The following PPP2R1B variants were observed in gnomAD, a reference collection of about 807,000 sequenced individuals.
The protein encoded by PPP2R1B is serine/threonine-protein phosphatase 2A 65 kDa regulatory subunit A beta isoform.
In PPP2R1B, 58 loss-of-function variants were observed where a neutral mutation model predicts 72.7. That is an observed-to-expected ratio of 0.80 (90% CI 0.65 to 0.99). The LOEUF is 0.99. Ranked by LOEUF, PPP2R1B falls within the 50% of genes least tolerant of loss-of-function variation. The pLI, the probability that PPP2R1B is intolerant of heterozygous loss-of-function variation, is 0.00. For missense variants in PPP2R1B, 695 were observed against 733.6 expected (o/e 0.95, Z 0.61); for synonymous variants, 256 against 264.6 (o/e 0.97, Z 0.32).
At position 111,752,194 on chromosome 11, in the gene PPP2R1B, T is replaced by A. The variant is rs781986857; in HGVS notation, c.1303A>T (p.Ile435Phe). Residue 435 changes from isoleucine (I) to phenylalanine (F), a missense_variant, in exon 10 of 15, where the codon ATC (isoleucine) becomes TTC (phenylalanine). Transcript: ENST00000527614. ...GCCAGCAGCGGCATATACTCAATGA[T>A]GGCCAGGCGGACCCTCCATTTGGCA... Reference protein sequence around the residue: ...EDAKWRVRLAIIEYMPLLAGQ... With the variant: ...EDAKWRVRLAFIEYMPLLAGQ... The A allele has an allele frequency of 1.2e-6, 2 of 1,613,814 alleles. No homozygotes were observed. Among genetic ancestry groups the A allele is most frequent in the South Asian group, 1.1e-5 (1 of 91,026 alleles).
chr11:111,755,337 T>A lies in PPP2R1B; in HGVS notation c.801A>T (p.Lys267Asn). 2 of 1,613,156 alleles carry A rather than the reference T, an allele frequency of 1.2e-6. No individual in the cohort carries two copies. Among genetic ancestry groups the A allele is most frequent in the Non-Finnish European group, 1.7e-6 (2 of 1,179,810 alleles). ...CCACCATATAGCGAACGCGCCAAGATTTATCTTCTGCTGCTTGTCGAAGTG... is the reference window on the plus strand; with the variant it reads ...CCACCATATAGCGAACGCGCCAAGAATTATCTTCTGCTGCTTGTCGAAGTG... ...MPTLRQAAEDKSWRVRYMVAD... is the reference protein window; with the variant it reads ...MPTLRQAAEDNSWRVRYMVAD... Residue 267 changes from lysine (K) to asparagine (N), a missense_variant, in exon 6 of 15, where the codon AAA becomes AAT. By Grantham distance (94) the Lys-to-Asn change is moderately conservative. Coordinates refer to ENST00000527614, the MANE Select transcript of PPP2R1B (RefSeq NM_002716.5).
At chr11:111,723,437 T>C, downstream of PPP2R1B, 1 of 1,514,264 alleles carries the variant, frequency 6.6e-7, no homozygotes, top group African/African-American at 1.4e-5. Context: ...TGCATTTACA[T>C]TAAAATTGCC....
chr11:111,764,838 T>A lies in PPP2R1B; in HGVS notation c.273A>T (p.Leu91=). The A allele has an allele frequency of 6.2e-7, 1 of 1,614,132 alleles. No individual in the cohort carries two copies. The highest frequency in any genetic ancestry group is 1.1e-5 in the South Asian group (1 of 91,088). Residue 91 remains leucine (L), a synonymous_variant, in exon 3 of 15, where the codon CTA becomes CTT. Coordinates refer to ENST00000527614, the MANE Select transcript of PPP2R1B (RefSeq NM_002716.5). ...AGTGGGCAAAGTCAGGACCTCCCAC[T>A]AGGCCAGTGAAATTTCCCAGCTGCT... ...LAEQLGNFTG[L]VGGPDFAHCL...
intron 5 of PPP2R1B, among the ~76,000 whole-genome samples, chr11:111,758,571 AGAGT>A (rs1156627078): frequency 6.6e-6 from 1 of 152,206 alleles, no homozygotes; most frequent in Non-Finnish European, 1.5e-5. Flanking sequence ...GCCTGGTGAC[AGAGT>A]GAGACTCCTT....
downstream of PPP2R1B, chr11:111,725,409 A>G (rs1323555207): frequency 6.6e-6 from 1 of 152,626 alleles, no homozygotes; most frequent in East Asian, 1.9e-4. Context: ...ACATTATATT[A>G]CTAATAAAAC....
chr11:111,741,982 C>T (rs773566973), intron 14 of PPP2R1B, 71 bp downstream of exon 14: 11 of 1,275,238 alleles, frequency 8.6e-6, no homozygotes, highest in South Asian at 1.2e-5. Flanking sequence ...CACTTAACAC[C>T]TCTCACATAA....
At chr11:111,757,113 CAAAAAAAAAAAAACACCG>C (rs1565469263) in intron 5 of PPP2R1B, among the ~76,000 whole-genome samples, 2 of 78,220 alleles carry the variant, frequency 2.6e-5, no homozygotes, top group African/African-American at 1.0e-4. Flanking sequence ...AACTCCAACT[CAAAAAAAAAAAAACACCG>C]AAAAAAAAGA....
intron 15 of PPP2R1B, chr11:111,730,879 T>G (rs1323186847): frequency 6.6e-6 from 1 of 152,176 alleles, no homozygotes; most frequent in Non-Finnish European, 1.5e-5. Flanking sequence ...GAATGTCAGG[T>G]TAATGCGATA....
chr11:111,733,822 G>A (rs1345431345), downstream of PPP2R1B, among the ~76,000 whole-genome samples: 1 of 152,204 alleles, frequency 6.6e-6, no homozygotes, highest in Non-Finnish European at 1.5e-5. Flanking sequence ...CAGGCAGGCA[G>A]TGGAAGGGAA....
In PPP2R1B at chr11:111,743,316, A is replaced by C. The variant is rs1401310417; in HGVS notation, c.1554+60T>G. On this transcript the variant is annotated intron_variant, in intron 12 of 14. Transcript: ENST00000527614. ...GACAGTATACTGATAATTCAGAAATAGTCATGAATAATTTTGCTTTAATGA... is the reference window on the plus strand; with the variant it reads ...GACAGTATACTGATAATTCAGAAATCGTCATGAATAATTTTGCTTTAATGA... 2.7e-6 allele frequency: 4 copies of C among 1,457,918 alleles called. No individual in the cohort carries two copies. In the African/African-American group the frequency reaches 5.6e-5, roughly 21 times the overall value. 90.3% of individuals were successfully genotyped at this position (1,457,918 alleles called of 1,614,324 possible).
At position 111,761,057 on chromosome 11, in the gene PPP2R1B, T is replaced by C. The variant is rs782604332; in HGVS notation, c.307-6A>G. ...GCCAGATTTTCCAAAGGAGGCTGAA[T>C]GGATTAAAAAGGAAAACCAGAGAAG... is the stretch of plus-strand genomic sequence containing the variant. On this transcript the variant is annotated splice_polypyrimidine_tract_variant and splice_region_variant and intron_variant, in intron 3 of 14. Coordinates refer to ENST00000527614, the MANE Select transcript of PPP2R1B (RefSeq NM_002716.5). The C allele has an allele frequency of 6.2e-7, 1 of 1,612,162 alleles. No homozygotes were observed. Among genetic ancestry groups the C allele is most frequent in the Admixed American group, 1.7e-5 (1 of 59,896 alleles).
the PPP2R1B span, among the ~76,000 whole-genome samples, chr11:111,699,516 A>G: frequency 1.3e-5 from 2 of 152,210 alleles, no homozygotes; most frequent in South Asian, 2.1e-4. Flanking sequence ...TATGGAAAAA[A>G]TAACTTTCCT....
intron 15 of PPP2R1B, among the ~76,000 whole-genome samples, chr11:111,732,156 G>A (rs1944213042): frequency 6.6e-6 from 1 of 152,252 alleles, no homozygotes; most frequent in African/African-American, 2.4e-5. Context: ...CGCAGGACAG[G>A]TGGGAACAGG....
intron 5 of PPP2R1B, among the ~76,000 whole-genome samples, chr11:111,759,076 C>T (rs1235967216): frequency 6.6e-6 from 1 of 152,108 alleles, no homozygotes; most frequent in Non-Finnish European, 1.5e-5. Flanking sequence ...TACAGAGAAG[C>T]GGGACAGCCT....
chr11:111,724,111 G>A (rs762165315), downstream of PPP2R1B: 24 of 1,610,894 alleles, frequency 1.5e-5, no homozygotes, highest in Non-Finnish European at 1.9e-5. Flanking sequence ...AACACAACGG[G>A]TATGTCCTGG....
chr11:111,722,127 G>T (rs1287780904), downstream of PPP2R1B, among the ~76,000 whole-genome samples: 1 of 152,186 alleles, frequency 6.6e-6, no homozygotes, highest in African/African-American at 2.4e-5. The surrounding 1 kb of genome is among the most constrained non-coding windows in gnomAD (Gnocchi z 4.4). Context: ...GCTGTGTGTT[G>T]GTGGTGGGAA....
Position 111,738,943 on chromosome 11 carries a change from TCAAA to T in PPP2R1B, c.*2649_*2652del, listed in dbSNP as rs533417630. On this transcript the variant is annotated 3_prime_UTR_variant, in exon 15 of 15. Transcript: ENST00000527614. ...GTGTGTGTCTGCTTCATTTTTCTAA[TCAAA>T]CAAACAACTGATGTAAGCTGCCAAG... 3.9e-4 allele frequency: 384 copies of T among 982,552 alleles called. 4 individuals carry two copies. In the South Asian group the frequency reaches 0.014, roughly 37 times the overall value. 60.9% of individuals were successfully genotyped at this position (982,552 alleles called of 1,614,324 possible).
chr11:111,721,561 A>G, the PPP2R1B span, among the ~76,000 whole-genome samples: 3 of 152,218 alleles, frequency 2.0e-5, no homozygotes, highest in East Asian at 5.8e-4. Flanking sequence ...TTATAGTTCG[A>G]GGCCCACATG....
Position 111,738,681 on chromosome 11 carries a change from T to G in PPP2R1B, c.*2915A>C. The G allele has an allele frequency of 1.0e-6, 1 of 985,408 alleles. No individual in the cohort carries two copies. The highest frequency in any genetic ancestry group is 1.2e-6 in the Non-Finnish European group (1 of 829,936). The allele number at this position is 985,408 out of a possible 1,614,324, so 61.0% of individuals were successfully genotyped here. A position where few individuals can be genotyped will look rare whatever the true frequency, so the allele number is the denominator to read the frequency against. ...AGCCCGTTATTTCAACAAGACCTCG[T>G]TAGAAACCACATATTCACCTGCCTT... On this transcript the variant is annotated 3_prime_UTR_variant, in exon 15 of 15. Transcript: ENST00000527614.
Sources: allele counts gnomAD v4.1 joint callset (sites outside exome capture counted in the v4.1 genomes callset), GRCh38; gene constraint gnomAD v4.1.1; non-coding constraint Gnocchi (gnomAD v3.1); transcripts MANE v1.5; gene names NCBI Gene and HGNC (gene_info 2026-07-23, HGNC 2026-07-21).